The following CYP2S1 variants were observed in gnomAD, a reference collection of about 807,000 sequenced individuals.
CYP2S1 encodes cytochrome P450 family 2 subfamily S member 1, also known as cytochrome P450 2S1.
In CYP2S1, 32 loss-of-function variants were observed where a neutral mutation model predicts 43.5. That is an observed-to-expected ratio of 0.74 (90% CI 0.56 to 0.99). The LOEUF (loss-of-function observed/expected upper bound fraction) is 0.99. Among genes scored for constraint, CYP2S1 ranks in the 50% least tolerant of loss-of-function variants. CYP2S1 has a pLI of 0.00. For missense variants in CYP2S1, 575 were observed against 673.9 expected (o/e 0.85, Z 1.62); for synonymous variants, 283 against 302.9 (o/e 0.93, Z 0.68).
At chr19:41,206,222 G>A (rs554169550) in intron 8 of CYP2S1, 58 bp from the exon 9 acceptor site, 35 of 1,611,686 alleles carry the variant, frequency 2.2e-5, no homozygotes, top group South Asian at 2.0e-4. Flanking sequence ...TGTTCCCCCC[G>A]TGGGCCTGGG....
At chr19:41,203,948 G>A (rs574781450) in intron 7 of CYP2S1, among the ~76,000 whole-genome samples, 1 of 151,906 alleles carries the variant, frequency 6.6e-6, no homozygotes, top group Non-Finnish European at 1.5e-5. Flanking sequence ...TGCAACCTCC[G>A]CCTCCCAGGT....
chr19:41,204,140 C>T (rs1038221114), intron 7 of CYP2S1, among the ~76,000 whole-genome samples: 2 of 152,094 alleles, frequency 1.3e-5, no homozygotes, highest in Non-Finnish European at 2.9e-5. Context: ...GGATTACAGG[C>T]GTGAGCCACC....
Position 41,193,221 on chromosome 19 carries a change from C to T in CYP2S1, c.-44C>T, listed in dbSNP as rs1287671796. On this transcript the variant is annotated 5_prime_UTR_variant, in exon 1 of 9. Transcript: ENST00000310054. ...CGGCTCCCGCCCCTAACTAGCCCAG[C>T]CGCGCGGAGCGCCTGGGAGAGGAGA... The T allele has an allele frequency of 6.8e-7, 1 of 1,480,838 alleles. No individual in the cohort carries two copies. The highest frequency in any genetic ancestry group is 8.9e-7 in the Non-Finnish European group (1 of 1,122,598). 91.7% of individuals were successfully genotyped at this position (1,480,838 alleles called of 1,614,324 possible).
chr19:41,205,197 T>G (rs936252640), intron 7 of CYP2S1, among the ~76,000 whole-genome samples: 1 of 152,160 alleles, frequency 6.6e-6, no homozygotes. Context: ...ACCATTATCA[T>G]GCCCATCTTA....
chr19:41,194,086 A>G (rs2033377761), intron 1 of CYP2S1, among the ~76,000 whole-genome samples: 1 of 152,060 alleles, frequency 6.6e-6, no homozygotes, highest in South Asian at 2.1e-4. Flanking sequence ...TTCCCATTCA[A>G]AAGGATTCTG....
In CYP2S1 at chr19:41,206,453, C is replaced by G. The variant is rs753378734; in HGVS notation, c.1480C>G (p.Pro494Ala). ...CCCAGCCTTCCAGCTGCAAGTCCGT[C>G]CCACTGACCTTCACTCCACCACGCA... Reference protein sequence around the residue: ...IPPAFQLQVRPTDLHSTTQTR With the variant: ...IPPAFQLQVRATDLHSTTQTR The change falls in exon 9 of 9, where the codon CCC (proline) becomes GCC (alanine). Residue 494 changes from proline to alanine, a missense_variant. By Grantham distance (27) the Pro-to-Ala change is conservative. Transcript: ENST00000310054. The G allele has an allele frequency of 6.2e-7, 1 of 1,614,146 alleles. No individual in the cohort carries two copies. Among genetic ancestry groups the G allele is most frequent in the East Asian group, 2.2e-5 (1 of 44,870 alleles).
At chr19:41,205,376 T>C (rs796732534) in intron 7 of CYP2S1, among the ~76,000 whole-genome samples, 185 of 71,342 alleles carry the variant, frequency 2.6e-3, no homozygotes, top group African/African-American at 0.02. Context: ...CTTTCTTTCT[T>C]TCTTTCTCTC....
intron 2 of CYP2S1, among the ~76,000 whole-genome samples, chr19:41,195,548 G>C (rs551703216): frequency 1.6e-4 from 25 of 152,200 alleles, no homozygotes; most frequent in African/African-American, 6.0e-4. Context: ...AGAGGGGTCA[G>C]GGCCAGGCTG....
intron 5 of CYP2S1, among the ~76,000 whole-genome samples, chr19:41,199,976 A>G (rs2033467517): frequency 6.6e-6 from 1 of 151,550 alleles, no homozygotes; most frequent in African/African-American, 2.4e-5. Context: ...ATCTCAAAAA[A>G]AAAAAAAAAG....
chr19:41,203,859 A>G (rs1298194120), intron 7 of CYP2S1, among the ~76,000 whole-genome samples: 1 of 139,164 alleles, frequency 7.2e-6, no homozygotes, highest in South Asian at 2.3e-4. Flanking sequence ...CCCTTTCTGC[A>G]TATATTTTTT....
At position 41,193,244 on chromosome 19, in the gene CYP2S1, A is replaced by T; in HGVS notation, c.-21A>T. On this transcript the variant is annotated 5_prime_UTR_variant, in exon 1 of 9. Transcript: ENST00000310054. ...AGCCGCGCGGAGCGCCTGGGAGAGGAGAAGGAGCCGACCTGCCGAGATGGA... is the reference window on the plus strand; with the variant it reads ...AGCCGCGCGGAGCGCCTGGGAGAGGTGAAGGAGCCGACCTGCCGAGATGGA... The T allele has an allele frequency of 1.3e-6, 2 of 1,523,080 alleles. No individual in the cohort carries two copies. Among genetic ancestry groups the T allele is most frequent in the South Asian group, 2.4e-5 (2 of 82,798 alleles). 94.3% of individuals were successfully genotyped at this position (1,523,080 alleles called of 1,614,324 possible).
intron 7 of CYP2S1, 37 bp downstream of exon 7, chr19:41,203,674 C>A: frequency 6.8e-7 from 1 of 1,474,738 alleles, no homozygotes; most frequent in South Asian, 1.3e-5. Context: ...TGGTTCTCTG[C>A]CTCGGGGCCT....
chr19:41,203,237 GAAATAAAATA>G (rs948293076), intron 6 of CYP2S1, among the ~76,000 whole-genome samples: 1 of 151,824 alleles, frequency 6.6e-6, no homozygotes, highest in East Asian at 1.9e-4. Flanking sequence ...ATAATAAAAT[GAAATAAAATA>G]AAATAAAATA....
At chr19:41,203,902 C>G (rs900811005) in intron 7 of CYP2S1, among the ~76,000 whole-genome samples, 2 of 151,884 alleles carry the variant, frequency 1.3e-5, no homozygotes, top group Non-Finnish European at 2.9e-5. Flanking sequence ...CGCACTGTCG[C>G]CCGGGCTGGA....
At chr19:41,200,620 C>T (rs1452545477) in intron 5 of CYP2S1, among the ~76,000 whole-genome samples, 2 of 152,094 alleles carry the variant, frequency 1.3e-5, no homozygotes, top group Non-Finnish European at 2.9e-5. Context: ...GTGATCCACC[C>T]GCCTCGGCCT....
Position 41,207,222 on chromosome 19 carries a change from T to G in CYP2S1, c.*734T>G. The G allele has an allele frequency of 4.0e-6, 1 of 253,138 alleles. No homozygotes were observed. The highest frequency in any genetic ancestry group is 7.8e-6 in the Non-Finnish European group (1 of 127,766). The allele number at this position is 253,138 out of a possible 1,614,324, so 15.7% of individuals were successfully genotyped here. ...CCTGATTCTACCAAATGCAAACACA[T>G]CTGGGTCTGCGATTATGCACAGAGA... On this transcript the variant is annotated 3_prime_UTR_variant, in exon 9 of 9. Coordinates refer to ENST00000310054, the MANE Select transcript of CYP2S1 (RefSeq NM_030622.8).
Position 41,207,089 on chromosome 19 carries a change from C to T in CYP2S1, c.*601C>T, listed in dbSNP as rs977891913. ...CCACACAGCTACCCACGTACGACATCGTCCTGGCTCCCCAGAGTATCTTCC... is the reference window on the plus strand; with the variant it reads ...CCACACAGCTACCCACGTACGACATTGTCCTGGCTCCCCAGAGTATCTTCC... On this transcript the variant is annotated 3_prime_UTR_variant, in exon 9 of 9. Transcript: ENST00000310054. 6.2e-6 allele frequency: 2 copies of T among 322,990 alleles called. No individual in the cohort carries two copies. Among genetic ancestry groups the T allele is most frequent in the East Asian group, 7.9e-5 (1 of 12,738 alleles). 20.0% of individuals were successfully genotyped at this position (322,990 alleles called of 1,614,324 possible).
At position 41,206,079 on chromosome 19, in the gene CYP2S1, C is replaced by G; in HGVS notation, c.1286C>G (p.Ala429Gly). 6.2e-7 allele frequency: 1 copy of G among 1,614,040 alleles called. No homozygotes were observed. Among genetic ancestry groups the G allele is most frequent in the Non-Finnish European group, 8.5e-7 (1 of 1,180,014 alleles). ...GATGGACGGTTCAGGAAGCATGAGG[C>G]GTTCCTGCCCTTCTCCTTAGGTATC... is the stretch of plus-strand genomic sequence containing the variant. Reference protein sequence around the residue: ...DADGRFRKHEAFLPFSLGKRV... With the variant: ...DADGRFRKHEGFLPFSLGKRV... Residue 429 changes from alanine (A) to glycine (G), a missense_variant, in exon 8 of 9, where the codon GCG (alanine) becomes GGG (glycine). This residue lies in a region of CYP2S1 where 222 missense variants were observed against 306.3 expected (regional missense o/e 0.72). Transcript: ENST00000310054.
rs1319441490 is a variant in CYP2S1, at chr19:41,193,665, G to C, written c.177+224G>C. 5 of 851,396 alleles carry C rather than the reference G, an allele frequency of 5.9e-6. No homozygotes were observed. In the East Asian group the frequency reaches 1.7e-4, roughly 29 times the overall value. 52.7% of individuals were successfully genotyped at this position (851,396 alleles called of 1,614,324 possible). A position where few individuals can be genotyped will look rare whatever the true frequency, so the allele number is the denominator to read the frequency against. ...GAGAGGATCGTGGGGTGGGGGACCA[G>C]GGCTAGGAGGGGCAGAGACCTCTGC... On this transcript the variant is annotated intron_variant, in intron 1 of 8. Transcript: ENST00000310054.
Sources: allele counts gnomAD v4.1 joint callset (sites outside exome capture counted in the v4.1 genomes callset), GRCh38; gene constraint gnomAD v4.1.1; regional missense constraint gnomAD v4.1.1; transcripts MANE v1.5; gene names NCBI Gene and HGNC (gene_info 2026-07-23, HGNC 2026-07-21).